UNC79: variants seen among roughly 807,000 people sequenced by gnomAD.
The protein encoded by UNC79 is protein unc-79 homolog.
UNC79 carries 37 observed loss-of-function variants against 283.1 expected under a neutral mutation model. The observed-to-expected ratio is 0.13, with a 90% confidence interval of 0.10 to 0.17. The LOEUF is 0.17. Ranked by LOEUF, UNC79 falls within the 10% of genes least tolerant of loss-of-function variation. The pLI is 1.00. For missense variants in UNC79, 2,272 were observed against 3,211.1 expected (o/e 0.71, Z 7.07); for synonymous variants, 1,107 against 1,200.2 (o/e 0.92, Z 1.61).
chr14:93,699,349 A>C (rs1183976903), intron 47 of UNC79, among the ~76,000 whole-genome samples: 2 of 152,164 alleles, frequency 1.3e-5, no homozygotes, highest in Admixed American at 1.3e-4. Flanking sequence ...AATTAAGATA[A>C]ACTGAGATGG....
At chr14:93,571,396 A>T (rs2063200143) in intron 14 of UNC79, among the ~76,000 whole-genome samples, 1 of 152,204 alleles carries the variant, frequency 6.6e-6, no homozygotes, top group Non-Finnish European at 1.5e-5. Flanking sequence ...TTAGGAAAAA[A>T]ATTGTGGCAG....
At chr14:93,655,680 G>A (rs1379633462) in intron 38 of UNC79, among the ~76,000 whole-genome samples, 1 of 149,308 alleles carries the variant, frequency 6.7e-6, no homozygotes, top group African/African-American at 2.5e-5. Context: ...CAGCCAGGAA[G>A]ACATGAGTAG....
At chr14:93,404,503 TATATATATATAA>T (rs2055183390) in intron 1 of UNC79, among the ~76,000 whole-genome samples, 1 of 87,986 alleles carries the variant, frequency 1.1e-5, no homozygotes, top group African/African-American at 4.3e-5. Context: ...AATATATATA[TATATATATATAA>T]ATATATACAT....
Position 93,559,913 on chromosome 14 carries a change from G to T in UNC79, c.1756-11981G>T, listed in dbSNP as rs191315091. 6.6e-3 allele frequency among the ~76,000 whole-genome samples: 1,004 copies of T among 152,070 alleles called. 12 individuals carry two copies. Among genetic ancestry groups the T allele is most frequent in the African/African-American group, 0.023 (942 of 41,478 alleles). ...AGTGTTGGGACAGGGAAAATTTTTT[G>T]GGGGGTGGCATGGAGAGATAATGGG... is the stretch of plus-strand genomic sequence containing the variant. On this transcript the variant is annotated intron_variant, in intron 14 of 48. Transcript: ENST00000555664.
chr14:93,706,620 G>A lies in UNC79; in HGVS notation c.7591-84G>A, dbSNP rs1305542588. The A allele has an allele frequency of 1.0e-5, 15 of 1,507,418 alleles. 1 individual carries two copies. Among genetic ancestry groups the A allele is most frequent in the African/African-American group, 2.8e-5 (2 of 72,666 alleles). 93.4% of individuals were successfully genotyped at this position (1,507,418 alleles called of 1,614,324 possible). A position where few individuals can be genotyped will look rare whatever the true frequency, so the allele number is the denominator to read the frequency against. ...AACCCTTGAGCCAAGCCTAAATTCT[G>A]CCTGCAAGAAGCCGCCCGGGTCGAC... On this transcript the variant is annotated intron_variant, in intron 48 of 48. Coordinates refer to ENST00000555664, the Ensembl canonical transcript of UNC79.
intron 7 of UNC79, among the ~76,000 whole-genome samples, chr14:93,517,882 G>A (rs770143104): frequency 6.1e-5 from 9 of 148,730 alleles, no homozygotes; most frequent in Non-Finnish European, 1.3e-4. Flanking sequence ...ATTTCCATTT[G>A]GTCCATATGT....
intron 1 of UNC79, among the ~76,000 whole-genome samples, chr14:93,374,705 A>G (rs996680403): frequency 2.6e-5 from 4 of 152,138 alleles, no homozygotes; most frequent in African/African-American, 9.7e-5. Flanking sequence ...CAACTGGCTA[A>G]TTTTTAAAAA....
chr14:93,594,575 C>A (rs1327273055), intron 23 of UNC79, among the ~76,000 whole-genome samples: 1 of 152,114 alleles, frequency 6.6e-6, no homozygotes, highest in Non-Finnish European at 1.5e-5. Flanking sequence ...GGGGCAGAAA[C>A]TGAGATTTTT....
chr14:93,389,370 C>G (rs2054838907), intron 1 of UNC79, among the ~76,000 whole-genome samples: 1 of 152,150 alleles, frequency 6.6e-6, no homozygotes, highest in Non-Finnish European at 1.5e-5. Context: ...AATGAAAACC[C>G]TGCTTTGAGG....
chr14:93,550,502 A>G lies in UNC79; in HGVS notation c.1755+7806A>G, dbSNP rs552749549. Among the ~76,000 whole-genome samples the G allele has an allele frequency of 5.1e-5, 6 of 117,876 alleles. No individual in the cohort carries two copies. The South Asian group carries it at 1.2e-3, about 23-fold the overall frequency. The allele number at this position is 117,876 out of a possible 152,430, so 77.3% of individuals were successfully genotyped here. ...TGCACTCCAGCCTGGGAGACAGAGCAAGACTCCGTATCAAAAAAAAAAAAA... is the reference window on the plus strand; with the variant it reads ...TGCACTCCAGCCTGGGAGACAGAGCGAGACTCCGTATCAAAAAAAAAAAAA... On this transcript the variant is annotated intron_variant, in intron 14 of 48. Transcript: ENST00000555664.
At chr14:93,366,695 C>G (rs1194372649) in intron 1 of UNC79, among the ~76,000 whole-genome samples, 1 of 151,800 alleles carries the variant, frequency 6.6e-6, no homozygotes, top group Non-Finnish European at 1.5e-5. Context: ...GCCTCAGCCT[C>G]CTGAGTAGCT....
intron 39 of UNC79, among the ~76,000 whole-genome samples, chr14:93,660,308 G>A (rs1354141272): frequency 6.6e-6 from 1 of 151,918 alleles, no homozygotes; most frequent in Non-Finnish European, 1.5e-5. Flanking sequence ...TCTTGGCCAA[G>A]ATCACATAGC....
intron 17 of UNC79, among the ~76,000 whole-genome samples, chr14:93,577,324 T>A (rs1488693265): frequency 6.6e-6 from 1 of 151,982 alleles, no homozygotes; most frequent in Non-Finnish European, 1.5e-5. Context: ...GCCAAGGAGG[T>A]AGTAAGAGTC....
At chr14:93,542,422 A>C (rs767300920) in intron 13 of UNC79, 44 bp from the exon 14 acceptor site, 10 of 1,558,380 alleles carry the variant, frequency 6.4e-6, no homozygotes, top group Admixed American at 1.9e-5. Context: ...AATTTTGTAA[A>C]GATGGATGGA....
chr14:93,442,763 A>G (rs1451440655), intron 1 of UNC79, among the ~76,000 whole-genome samples: 1 of 152,168 alleles, frequency 6.6e-6, no homozygotes, highest in Non-Finnish European at 1.5e-5. Flanking sequence ...AAGAATATAC[A>G]GTCATGTAAC....
intron 7 of UNC79, among the ~76,000 whole-genome samples, chr14:93,503,087 AC>A (rs1234618121): frequency 6.6e-6 from 1 of 152,078 alleles, no homozygotes; most frequent in African/African-American, 2.4e-5. Flanking sequence ...TCCCTCTTAC[AC>A]CCCAAAGGTA....
At chr14:93,668,465 C>G (rs2072458251) in intron 40 of UNC79, among the ~76,000 whole-genome samples, 1 of 152,092 alleles carries the variant, frequency 6.6e-6, no homozygotes, top group Non-Finnish European at 1.5e-5. Context: ...AATCCCTTCA[C>G]TTTGGAAGGC....
rs559909666 is a variant in UNC79, at chr14:93,537,416, C to A, written c.1123-573C>A. Among the ~76,000 whole-genome samples, 347 of 152,372 alleles carry A rather than the reference C, an allele frequency of 2.3e-3. 1 individual carries two copies. Among genetic ancestry groups the A allele is most frequent in the Middle Eastern group, 3.4e-3 (1 of 294 alleles). ...CAGAGTGCCGGTGGGCATGGGAAGG[C>A]CTGGCTTGAGGCCATCACTTTGGCA... On this transcript the variant is annotated intron_variant, in intron 11 of 48. Coordinates refer to ENST00000555664, the Ensembl canonical transcript of UNC79.
intron 1 of UNC79, among the ~76,000 whole-genome samples, chr14:93,395,368 C>G (rs2054973018): frequency 6.6e-6 from 1 of 152,112 alleles, no homozygotes; most frequent in Non-Finnish European, 1.5e-5. Flanking sequence ...ATAAGCTGTA[C>G]AGGAAGCATG....
Sources: gnomAD v4.1 joint callset for allele counts (sites outside exome capture counted in the v4.1 genomes callset) on GRCh38, gnomAD v4.1.1 for gene constraint, MANE v1.5 for transcripts, NCBI Gene and HGNC (gene_info 2026-07-23, HGNC 2026-07-21) for gene names.